Variants in SHISA9 observed in about 807,000 individuals in gnomAD.
The protein encoded by SHISA9 is shisa family member 9.
In SHISA9, 13 loss-of-function variants were observed where a neutral mutation model predicts 38.0. The observed-to-expected ratio is 0.34, with a 90% CI of 0.22 to 0.54. SHISA9 has a LOEUF of 0.54. Ranked by LOEUF, SHISA9 falls within the 20% of genes least tolerant of loss-of-function variation. The pLI, the probability that SHISA9 is intolerant of heterozygous loss-of-function variation, is 0.91. For missense variants in SHISA9, 538 were observed against 575.8 expected, an observed-to-expected ratio of 0.93 and a Z score of 0.67; for synonymous variants, 275 against 242.0, an observed-to-expected ratio of 1.14 and a Z score of -1.27.
intron 2 of SHISA9, among the ~76,000 whole-genome samples, chr16:12,970,439 A>ATG (rs2072056771): frequency 6.1e-5 from 3 of 49,524 alleles, no homozygotes; most frequent in East Asian, 8.3e-4. Context: ...ATATATATAT[A>ATG]CACACATATA....
At chr16:13,430,110 A>G in the SHISA9 span, among the ~76,000 whole-genome samples, 1 of 152,186 alleles carries the variant, frequency 6.6e-6, no homozygotes, top group African/African-American at 2.4e-5. Flanking sequence ...AGTCCAAGAG[A>G]AAGAACTCAG....
chr16:13,234,933 C>G (rs1490027827), intron 4 of SHISA9, 97 bp from the exon 5 acceptor site: 11 of 1,401,970 alleles, frequency 7.8e-6, no homozygotes, highest in Non-Finnish European at 1.0e-5. Flanking sequence ...TTATGCTGTT[C>G]TTGGGTTGAC....
chr16:13,545,682 T>C, the SHISA9 span, among the ~76,000 whole-genome samples: 1 of 152,222 alleles, frequency 6.6e-6, no homozygotes, highest in African/African-American at 2.4e-5. Flanking sequence ...TTAGCAAAGA[T>C]GAATCTTCTC....
the SHISA9 span, among the ~76,000 whole-genome samples, chr16:13,495,819 C>G: frequency 2.0e-5 from 3 of 151,986 alleles, no homozygotes; most frequent in Non-Finnish European, 4.4e-5. Context: ...TGAAACAGTA[C>G]AAAACACTTT....
the SHISA9 span, among the ~76,000 whole-genome samples, chr16:13,346,957 GT>G: frequency 5.9e-5 from 9 of 152,050 alleles, no homozygotes; most frequent in Non-Finnish European, 1.2e-4. Flanking sequence ...TTCATGCTGG[GT>G]TTTGAGATTT....
At chr16:13,480,051 T>C in the SHISA9 span, among the ~76,000 whole-genome samples, 74 of 152,276 alleles carry the variant, frequency 4.9e-4, no homozygotes, top group African/African-American at 1.6e-3. Flanking sequence ...AAAAATGGGA[T>C]CTCATAGCTA....
chr16:13,250,520 A>G, the SHISA9 span, among the ~76,000 whole-genome samples: 161 of 152,292 alleles, frequency 1.1e-3, no homozygotes, highest in African/African-American at 3.4e-3. Context: ...TCCCTTATCC[A>G]TATGATATAG....
chr16:13,264,435 A>T, the SHISA9 span, among the ~76,000 whole-genome samples: 1 of 152,050 alleles, frequency 6.6e-6, no homozygotes, highest in Non-Finnish European at 1.5e-5. Flanking sequence ...GGCTTCCCAA[A>T]GTGCTAGGAT....
chr16:13,512,093 A>G, the SHISA9 span, among the ~76,000 whole-genome samples: 78 of 152,290 alleles, frequency 5.1e-4, no homozygotes, highest in African/African-American at 1.9e-3. Context: ...AACAAAGCAT[A>G]AAAGCAAGCC....
At chr16:13,421,830 C>T in the SHISA9 span, among the ~76,000 whole-genome samples, 101 of 152,226 alleles carry the variant, frequency 6.6e-4, no homozygotes, top group South Asian at 3.3e-3. Context: ...TCTTATGTGC[C>T]GTATTTTCCC....
At chr16:13,412,046 ATTCTTTACCT>A in the SHISA9 span, among the ~76,000 whole-genome samples, 5 of 152,124 alleles carry the variant, frequency 3.3e-5, no homozygotes, top group African/African-American at 1.2e-4. Flanking sequence ...GGTACACCAA[ATTCTTTACCT>A]TTCTGAGTAG....
intron 2 of SHISA9, among the ~76,000 whole-genome samples, chr16:12,945,289 A>C (rs941536274): frequency 6.6e-6 from 1 of 152,184 alleles, no homozygotes; most frequent in Admixed American, 6.5e-5. Context: ...AATATCTCAC[A>C]GCACATACGG....
chr16:13,172,533 T>A (rs2050695411), intron 2 of SHISA9, among the ~76,000 whole-genome samples: 1 of 152,234 alleles, frequency 6.6e-6, no homozygotes, highest in Non-Finnish European at 1.5e-5. Context: ...ATTTCCTCTC[T>A]GTGTCACCAT....
chr16:13,143,940 C>T (rs776620532), intron 2 of SHISA9, among the ~76,000 whole-genome samples: 1 of 152,148 alleles, frequency 6.6e-6, no homozygotes, highest in Non-Finnish European at 1.5e-5. Flanking sequence ...CCCCAGAAAT[C>T]TGATTGCTGC....
chr16:13,042,035 T>C lies in SHISA9; in HGVS notation c.691+125220T>C, dbSNP rs576069278. Among the ~76,000 whole-genome samples the C allele has an allele frequency of 3.3e-5, 5 of 152,332 alleles. No homozygotes were observed. In the South Asian group the frequency reaches 1.0e-3, roughly 32 times the overall value. ...GATTTTGAGGAGGGATTGTAGCAGCTGGCTAATCAGGGGGATATTTAGTGT... is the reference window on the plus strand; with the variant it reads ...GATTTTGAGGAGGGATTGTAGCAGCCGGCTAATCAGGGGGATATTTAGTGT... On this transcript the variant is annotated intron_variant, in intron 2 of 4. Transcript: ENST00000558583.
At chr16:13,182,804 AAAC>A (rs969762984) in intron 2 of SHISA9, among the ~76,000 whole-genome samples, 2 of 152,106 alleles carry the variant, frequency 1.3e-5, no homozygotes, top group African/African-American at 2.4e-5. Context: ...TAGTAGCTTA[AAAC>A]AACAACAACA....
the SHISA9 span, among the ~76,000 whole-genome samples, chr16:13,290,922 C>G: frequency 2.0e-5 from 3 of 152,144 alleles, no homozygotes; most frequent in African/African-American, 7.2e-5. Flanking sequence ...CATCATTTAG[C>G]ACTTATTGTG....
At chr16:13,429,130 C>T in the SHISA9 span, among the ~76,000 whole-genome samples, 2 of 151,962 alleles carry the variant, frequency 1.3e-5, no homozygotes, top group African/African-American at 2.4e-5. Context: ...TTTGCAGTGG[C>T]GATGGCACTG....
chr16:13,015,472 T>G (rs1596585722), intron 2 of SHISA9, among the ~76,000 whole-genome samples: 1 of 152,366 alleles, frequency 6.6e-6, no homozygotes, highest in African/African-American at 2.4e-5. Flanking sequence ...ATGTTTGGAC[T>G]CCAGTCGGCA....
Sources: allele counts gnomAD v4.1 joint callset (sites outside exome capture counted in the v4.1 genomes callset), GRCh38; gene constraint gnomAD v4.1.1; transcripts MANE v1.5; gene names NCBI Gene and HGNC (gene_info 2026-07-23, HGNC 2026-07-21).